Variants in WWOX observed in about 807,000 individuals in gnomAD.
WWOX encodes WW domain-containing oxidoreductase.
WWOX carries 69 observed loss-of-function variants against 46.2 expected under a neutral mutation model. That is an observed-to-expected ratio of 1.49 (90% CI 1.23 to 1.82). The LOEUF is 1.82. Among genes scored for constraint, WWOX ranks in the 40% most tolerant of loss-of-function variants. The pLI, the probability that WWOX is intolerant of heterozygous loss-of-function variation, is 0.00. For synonymous variants in WWOX, 359 were observed against 202.6 expected, an observed-to-expected ratio of 1.77 and a Z score of -6.56; for missense variants, 919 against 542.6, an observed-to-expected ratio of 1.69 and a Z score of -6.89.
intron 7 of WWOX, among the ~76,000 whole-genome samples, chr16:78,427,987 G>C (rs1016765735): frequency 1.2e-4 from 18 of 152,072 alleles, no homozygotes; most frequent in African/African-American, 4.3e-4. Flanking sequence ...AGAATTGCTT[G>C]AACTTGGGAG....
chr16:78,473,876 A>G (rs1246276598), intron 8 of WWOX, among the ~76,000 whole-genome samples: 3 of 152,186 alleles, frequency 2.0e-5, no homozygotes, highest in African/African-American at 7.2e-5. Flanking sequence ...ACACGCTGCC[A>G]TTCTTCTTCG....
intron 8 of WWOX, among the ~76,000 whole-genome samples, chr16:79,104,841 T>A (rs941422511): frequency 1.3e-5 from 2 of 152,096 alleles, no homozygotes; most frequent in Admixed American, 6.6e-5. Flanking sequence ...GTACTTGCAA[T>A]CCCCACTTGA....
intron 8 of WWOX, among the ~76,000 whole-genome samples, chr16:78,432,965 G>C (rs1470948097): frequency 2.0e-5 from 3 of 152,128 alleles, no homozygotes; most frequent in Non-Finnish European, 2.9e-5. Flanking sequence ...AGAAGATGTG[G>C]GTTTCAGTAT....
At chr16:78,295,529 T>C (rs1454785664) in intron 5 of WWOX, among the ~76,000 whole-genome samples, 1 of 152,120 alleles carries the variant, frequency 6.6e-6, no homozygotes, top group African/African-American at 2.4e-5. Flanking sequence ...CTGGCCAACA[T>C]GGTGAAACCC....
At chr16:78,917,512 T>C (rs966728424) in intron 8 of WWOX, among the ~76,000 whole-genome samples, 1 of 152,060 alleles carries the variant, frequency 6.6e-6, no homozygotes, top group African/African-American at 2.4e-5. Context: ...AATTCAAGAC[T>C]TCATGAAGTC....
At chr16:79,023,893 T>C (rs79763768) in intron 8 of WWOX, among the ~76,000 whole-genome samples, 1 of 151,662 alleles carries the variant, frequency 6.6e-6, no homozygotes, top group Non-Finnish European at 1.5e-5. Flanking sequence ...GAGGCAGAGG[T>C]TGCAGTGAGA....
At chr16:78,728,567 C>T (rs1341090850) in intron 8 of WWOX, among the ~76,000 whole-genome samples, 2 of 152,146 alleles carry the variant, frequency 1.3e-5, no homozygotes, top group African/African-American at 4.8e-5. Flanking sequence ...TAAAAGAATA[C>T]AAGTAAGTAG....
chr16:78,927,859 C>G (rs531089721), intron 8 of WWOX, among the ~76,000 whole-genome samples: 1 of 152,254 alleles, frequency 6.6e-6, no homozygotes, highest in South Asian at 2.1e-4. Flanking sequence ...ATTTTTGTTT[C>G]TAACTGAAGT....
At chr16:79,067,888 C>A (rs1567527358) in intron 8 of WWOX, among the ~76,000 whole-genome samples, 1 of 152,200 alleles carries the variant, frequency 6.6e-6, no homozygotes, top group African/African-American at 2.4e-5. Flanking sequence ...TCCAAAGAGG[C>A]TAGCCTCCTG....
chr16:78,121,601 T>C (rs2033095349), intron 4 of WWOX, among the ~76,000 whole-genome samples: 1 of 152,128 alleles, frequency 6.6e-6, no homozygotes, highest in African/African-American at 2.4e-5. Context: ...GTGTATGTTA[T>C]ATATATTTTT....
intron 8 of WWOX, among the ~76,000 whole-genome samples, chr16:79,010,182 G>T (rs980658392): frequency 1.3e-5 from 2 of 152,136 alleles, no homozygotes; most frequent in Admixed American, 6.5e-5. Flanking sequence ...TATTTACAAG[G>T]CTGGCTTCCC....
chr16:78,809,146 G>A (rs1293302618), intron 8 of WWOX, among the ~76,000 whole-genome samples: 3 of 151,928 alleles, frequency 2.0e-5, no homozygotes, highest in Non-Finnish European at 4.4e-5. Context: ...ACCCTTCTCA[G>A]ATGCAATCTC....
At position 78,884,288 on chromosome 16, in the gene WWOX, AAAAAAC is replaced by A. The variant is rs1279814179; in HGVS notation, c.1057-327315_1057-327310del. Among the ~76,000 whole-genome samples the A allele has an allele frequency of 4.0e-5, 6 of 150,292 alleles. 1 individual carries two copies. The highest frequency in any genetic ancestry group is 6.8e-3 in the Middle Eastern group (2 of 292). On this transcript the variant is annotated intron_variant, in intron 8 of 8. Coordinates refer to ENST00000566780, the MANE Select transcript of WWOX (RefSeq NM_016373.4). The stretch of plus-strand genomic sequence containing the variant: ...ACCCTGTCTCCAAAAAAAAAAAAAA[AAAAAAC>A]AAAAGACCATTTTTAAGACTATGAC...
chr16:78,825,929 C>T (rs774842842), intron 8 of WWOX: 3 of 774,158 alleles, frequency 3.9e-6, no homozygotes, highest in Admixed American at 4.2e-5. Context: ...TGAGGTAGTG[C>T]CCACCACTCC....
intron 8 of WWOX, among the ~76,000 whole-genome samples, chr16:78,846,730 T>G (rs2151175267): frequency 6.6e-6 from 1 of 152,034 alleles, no homozygotes; most frequent in South Asian, 2.1e-4. Flanking sequence ...TTGGGGGAGG[T>G]ACTTTGGGAC....
rs185541011 is a variant in WWOX, at chr16:78,180,866, G to A, written c.516+16577G>A. 1.3e-3 allele frequency among the ~76,000 whole-genome samples: 201 copies of A among 152,296 alleles called. 1 individual carries two copies. The highest frequency in any genetic ancestry group is 1.7e-3 in the Non-Finnish European group (119 of 68,028). ...GGTAAATCCAGCAGACGTCCGGACT[G>A]TGCTTGAGGGTGTCATCGAGAGAGA... On this transcript the variant is annotated intron_variant, in intron 5 of 8. Transcript: ENST00000566780.
intron 8 of WWOX, among the ~76,000 whole-genome samples, chr16:79,131,953 T>A (rs2049886859): frequency 6.6e-6 from 1 of 152,032 alleles, no homozygotes; most frequent in South Asian, 2.1e-4. Flanking sequence ...CCATCAGATC[T>A]CACGAGACTT....
chr16:78,985,905 G>A lies in WWOX; in HGVS notation c.1057-225703G>A, dbSNP rs369196919. On this transcript the variant is annotated intron_variant, in intron 8 of 8. Coordinates refer to ENST00000566780, the MANE Select transcript of WWOX (RefSeq NM_016373.4). ...TGCCTTCTGCAGTCCCGTCAGCCAGGATCCCTCTCATACAAACACCTTGAC... is the reference window on the plus strand; with the variant it reads ...TGCCTTCTGCAGTCCCGTCAGCCAGAATCCCTCTCATACAAACACCTTGAC... 8.6e-4 allele frequency among the ~76,000 whole-genome samples: 131 copies of A among 152,354 alleles called. 2 individuals are homozygous for A. In the South Asian group the frequency reaches 0.023, roughly 26 times the overall value.
rs184625973 is a variant in WWOX, at chr16:78,620,380, C to A, written c.1056+187628C>A. Among the ~76,000 whole-genome samples the A allele has an allele frequency of 2.8e-4, 43 of 152,278 alleles. 1 individual carries two copies. In the East Asian group the frequency reaches 7.7e-3, roughly 27 times the overall value. The stretch of plus-strand genomic sequence containing the variant: ...GTGCTTAGGTTTGACAAGTTTCCTC[C>A]AACAGACTCGTGTAGAAGTTTCTGT... On this transcript the variant is annotated intron_variant, in intron 8 of 8. Coordinates refer to ENST00000566780, the MANE Select transcript of WWOX (RefSeq NM_016373.4).
Sources: gnomAD v4.1 joint callset for allele counts (sites outside exome capture counted in the v4.1 genomes callset) on GRCh38, gnomAD v4.1.1 for gene constraint, MANE v1.5 for transcripts, NCBI Gene and HGNC (gene_info 2026-07-23, HGNC 2026-07-21) for gene names.